The following VTI1A variants were observed in gnomAD, a reference collection of about 807,000 sequenced individuals.
VTI1A encodes vesicle transport through interaction with t-SNAREs 1A.
A neutral mutation model predicts 34.9 loss-of-function variants in VTI1A; 22 were observed. That is an observed-to-expected ratio of 0.63 (90% CI 0.45 to 0.90). The LOEUF is 0.90. VTI1A is among the 40% of genes least tolerant of loss of function. The pLI, the probability that VTI1A is intolerant of heterozygous loss-of-function variation, is 0.00. For synonymous variants in VTI1A, 87 were observed against 97.3 expected (o/e 0.89, Z 0.62); for missense variants, 268 against 275.6 (o/e 0.97, Z 0.20).
chr10:112,646,210 T>A (rs1005370014), intron 5 of VTI1A, among the ~76,000 whole-genome samples: 1 of 152,032 alleles, frequency 6.6e-6, no homozygotes, highest in East Asian at 1.9e-4. Context: ...TAGTTTCAGG[T>A]CAATATTATG....
At chr10:112,746,053 G>A (rs1850882989) in intron 7 of VTI1A, among the ~76,000 whole-genome samples, 1 of 152,132 alleles carries the variant, frequency 6.6e-6, no homozygotes, top group Admixed American at 6.5e-5. Flanking sequence ...GTCAACATTT[G>A]CTACAGAAAA....
At chr10:112,637,636 G>A (rs1297281284) in intron 5 of VTI1A, among the ~76,000 whole-genome samples, 1 of 151,882 alleles carries the variant, frequency 6.6e-6, no homozygotes, top group African/African-American at 2.4e-5. Flanking sequence ...TGTAGCCTGG[G>A]TGACAGGGTG....
chr10:112,590,413 C>G (rs919472402), intron 5 of VTI1A, among the ~76,000 whole-genome samples: 1 of 152,124 alleles, frequency 6.6e-6, no homozygotes, highest in South Asian at 2.1e-4. Context: ...TTATTGCAGG[C>G]TGGGCACAGT....
chr10:112,664,098 T>C lies in VTI1A; in HGVS notation c.428-4120T>C, dbSNP rs185048896. Among the ~76,000 whole-genome samples, 16 of 152,354 alleles carry C rather than the reference T, an allele frequency of 1.1e-4. No homozygotes were observed. The East Asian group carries it at 2.9e-3, about 28-fold the overall frequency. On this transcript the variant is annotated intron_variant, in intron 5 of 7. Coordinates refer to ENST00000393077, the MANE Select transcript of VTI1A (RefSeq NM_145206.4). ...TAAAGACCCAACTTGCTGTTTTCAC[T>C]TTTTAAAATAATTCGCTGGATACCA...
At chr10:112,488,233 G>T (rs1371509009) in intron 3 of VTI1A, among the ~76,000 whole-genome samples, 1 of 152,092 alleles carries the variant, frequency 6.6e-6, no homozygotes. Context: ...TACATTATAT[G>T]CTATTTTAGA....
At chr10:112,608,471 G>A (rs1845172554) in intron 5 of VTI1A, among the ~76,000 whole-genome samples, 1 of 152,092 alleles carries the variant, frequency 6.6e-6, no homozygotes, top group Admixed American at 6.5e-5. Flanking sequence ...AAGTTTGTAG[G>A]TGTTAGTTCT....
At chr10:112,778,751 T>C (rs1228667720) in intron 7 of VTI1A, among the ~76,000 whole-genome samples, 2 of 152,134 alleles carry the variant, frequency 1.3e-5, no homozygotes, top group East Asian at 3.9e-4. Flanking sequence ...TGGGCAAAGG[T>C]AGACTGCCTC....
downstream of VTI1A, among the ~76,000 whole-genome samples, chr10:112,821,076 G>T (rs142893378): frequency 6.6e-6 from 1 of 152,152 alleles, no homozygotes; most frequent in Non-Finnish European, 1.5e-5. Context: ...ATCCGGAATC[G>T]CTCGTTACTC....
chr10:112,790,692 G>T (rs969392598), intron 7 of VTI1A, among the ~76,000 whole-genome samples: 1 of 151,442 alleles, frequency 6.6e-6, no homozygotes, highest in African/African-American at 2.4e-5. Flanking sequence ...CCAAAATTCT[G>T]CCAGTTTTCT....
chr10:112,670,870 A>T (rs1847821531), intron 7 of VTI1A, among the ~76,000 whole-genome samples: 1 of 152,218 alleles, frequency 6.6e-6, no homozygotes, highest in African/African-American at 2.4e-5. Flanking sequence ...AACCAAGGGT[A>T]TGCTTAAGTC....
chr10:112,842,090 T>G, the VTI1A span, among the ~76,000 whole-genome samples: 1 of 128,910 alleles, frequency 7.8e-6, no homozygotes, highest in Non-Finnish European at 1.6e-5. Flanking sequence ...TGAGACGGAG[T>G]CTCACCCTGT....
intron 7 of VTI1A, among the ~76,000 whole-genome samples, chr10:112,687,417 T>TA (rs1848455478): frequency 6.6e-6 from 1 of 151,276 alleles, no homozygotes; most frequent in South Asian, 2.1e-4. Flanking sequence ...GTATTTTTAG[T>TA]AGAGATGGGG....
At chr10:112,618,466 A>AATGAAAT (rs1845585269) in intron 5 of VTI1A, among the ~76,000 whole-genome samples, 1 of 141,768 alleles carries the variant, frequency 7.1e-6, no homozygotes, top group African/African-American at 2.6e-5. Flanking sequence ...AGGTTGGGAT[A>AATGAAAT]ATGAAATATA....
chr10:112,738,244 T>C (rs1187551725), intron 7 of VTI1A, among the ~76,000 whole-genome samples: 1 of 152,174 alleles, frequency 6.6e-6, no homozygotes, highest in Non-Finnish European at 1.5e-5. Context: ...ACGTGTCCCT[T>C]CATCTGGGTA....
intron 5 of VTI1A, among the ~76,000 whole-genome samples, chr10:112,614,400 G>A (rs570514942): frequency 7.9e-5 from 12 of 152,214 alleles, no homozygotes; most frequent in Admixed American, 2.6e-4. Context: ...AGACAGCAGC[G>A]GTTAATATTT....
intron 7 of VTI1A, among the ~76,000 whole-genome samples, chr10:112,724,259 G>A (rs1285613773): frequency 6.6e-6 from 1 of 152,176 alleles, no homozygotes; most frequent in Non-Finnish European, 1.5e-5. Context: ...TAACATATAA[G>A]AGGATAGACA....
At chr10:112,638,558 A>G (rs1846450169) in intron 5 of VTI1A, among the ~76,000 whole-genome samples, 3 of 152,144 alleles carry the variant, frequency 2.0e-5, no homozygotes. Flanking sequence ...ACCAAAGATC[A>G]ATTTTATTTT....
rs889031978 is a variant in VTI1A at position 112,817,136 on chromosome 10, G to GAAAC, written c.*1764_*1767dup. 2 of 232,608 alleles carry GAAAC rather than the reference G, an allele frequency of 8.6e-6. No individual in the cohort carries two copies. The highest frequency in any genetic ancestry group is 4.4e-5 in the African/African-American group (2 of 45,290). 14.4% of individuals were successfully genotyped at this position (232,608 alleles called of 1,614,324 possible). A position where few individuals can be genotyped will look rare whatever the true frequency, so the allele number is the denominator to read the frequency against. ...CATCTAAGAACCATTAAAAAGCAAG[G>GAAAC]AAACAAACAAACAACCCTTTTCTCA... On this transcript the variant is annotated 3_prime_UTR_variant, in exon 8 of 8. Transcript: ENST00000393077.
At chr10:112,590,980 A>G (rs1354042839) in intron 5 of VTI1A, among the ~76,000 whole-genome samples, 1 of 152,148 alleles carries the variant, frequency 6.6e-6, no homozygotes, top group Non-Finnish European at 1.5e-5. Flanking sequence ...ACATGCCTAT[A>G]ACCCCAGCTA....
Sources: gnomAD v4.1 joint callset for allele counts (sites outside exome capture counted in the v4.1 genomes callset) on GRCh38, gnomAD v4.1.1 for gene constraint, MANE v1.5 for transcripts, NCBI Gene and HGNC (gene_info 2026-07-23, HGNC 2026-07-21) for gene names.